NR1D1: variants seen among roughly 807,000 people sequenced by gnomAD.
The protein encoded by NR1D1 is nuclear receptor subfamily 1 group D member 1.
A neutral mutation model predicts 51.1 loss-of-function variants in NR1D1; 17 were observed. That is an observed-to-expected ratio of 0.33 (90% CI 0.23 to 0.50). NR1D1 has a LOEUF of 0.50. Ranked by LOEUF, NR1D1 falls within the 20% of genes least tolerant of loss-of-function variation. The pLI, the probability that NR1D1 is intolerant of heterozygous loss-of-function variation, is 0.98. For missense variants in NR1D1, 647 were observed against 830.4 expected (o/e 0.78, Z 2.71); for synonymous variants, 341 against 333.4 (o/e 1.02, Z -0.25).
Position 40,100,181 on chromosome 17 carries a change from G to T in NR1D1, c.-87C>A. The T allele has an allele frequency of 9.4e-7, 1 of 1,064,058 alleles. No homozygotes were observed. The highest frequency in any genetic ancestry group is 1.5e-6 in the Non-Finnish European group (1 of 681,938). The allele number at this position is 1,064,058 out of a possible 1,614,324, so 65.9% of individuals were successfully genotyped here. On this transcript the variant is annotated 5_prime_UTR_variant, in exon 1 of 8. Transcript: ENST00000246672. ...CGCCGCTGTTGCCCCCTGGGCACTG[G>T]CTAAGGGCGGGGAGTGGACCCCGCG...
At position 40,093,014 on chromosome 17, in the gene NR1D1, G is replaced by A. The variant is rs776563430; in HGVS notation, c.*69C>T. ...CTGGTTTGCTTTTCCTTTTCGTCTC[G>A]TAAAGGAGAGAGAAGTGCAGAGTTC... On this transcript the variant is annotated 3_prime_UTR_variant, in exon 8 of 8. Transcript: ENST00000246672. The surrounding 1 kb of genome is among the most constrained non-coding windows in gnomAD (Gnocchi z 5.9). The A allele has an allele frequency of 5.6e-6, 9 of 1,606,820 alleles. No individual in the cohort carries two copies. The highest frequency in any genetic ancestry group is 1.1e-5 in the South Asian group (1 of 90,980).
chr17:40,096,801 G>A, intron 2 of NR1D1, 22 bp from the exon 3 acceptor site: 1 of 1,612,400 alleles, frequency 6.2e-7, no homozygotes, highest in Non-Finnish European at 8.5e-7. Flanking sequence ...ACGGGCAGCA[G>A]GTGAGCAGGA....
In NR1D1 at chr17:40,092,979, A is replaced by G; in HGVS notation, c.*104T>C. ...ATCTTGGAATATTTTATAACAATAT[A>G]AATAAGATTCTGGTTTGCTTTTCCT... On this transcript the variant is annotated 3_prime_UTR_variant, in exon 8 of 8. Transcript: ENST00000246672. 1 of 1,592,882 alleles carries G rather than the reference A, an allele frequency of 6.3e-7. No individual in the cohort carries two copies. The highest frequency in any genetic ancestry group is 8.6e-7 in the Non-Finnish European group (1 of 1,166,258).
In NR1D1 at chr17:40,095,894, G is replaced by A; in HGVS notation, c.798C>T (p.Phe266=). The stretch of plus-strand genomic sequence containing the variant: ...GCGTCAGCTGTTGTGGAAACTGGGA[G>A]AAGCCCACCAGGGGTGAGGGGACCG... ...PAPVPSPLVG[F]SQFPQQLTPP... Residue 266 remains phenylalanine, a synonymous_variant, in exon 5 of 8, where the codon TTC becomes TTT. Coordinates refer to ENST00000246672, the MANE Select transcript of NR1D1 (RefSeq NM_021724.5). The A allele has an allele frequency of 1.2e-6, 2 of 1,607,074 alleles. No individual in the cohort carries two copies. Among genetic ancestry groups the A allele is most frequent in the Non-Finnish European group, 1.7e-6 (2 of 1,177,492 alleles).
chr17:40,096,993 C>A (rs532186163), intron 2 of NR1D1, 72 bp downstream of exon 2: 3 of 1,413,718 alleles, frequency 2.1e-6, no homozygotes, highest in South Asian at 2.6e-5. Context: ...AGACTGGTGT[C>A]ACGTAAAAAC....
At chr17:40,099,511 C>G (rs1408356317) in intron 1 of NR1D1, among the ~76,000 whole-genome samples, 1 of 152,146 alleles carries the variant, frequency 6.6e-6, no homozygotes, top group Non-Finnish European at 1.5e-5. Flanking sequence ...TCCCTCGGGC[C>G]GGGCACCACG....
In NR1D1 at chr17:40,096,465, G is replaced by A. The variant is rs1358362931; in HGVS notation, c.582C>T (p.Leu194=). Residue 194 remains leucine, a synonymous_variant, in exon 4 of 8, where the codon CTC becomes CTT. Transcript: ENST00000246672. Reference sequence around the variant, plus strand: ...CACCGTCTCGAGACATGCCCACAGAGAGACACTTCTTGAAGCGACATTGCT... The same window carrying A: ...CACCGTCTCGAGACATGCCCACAGAAAGACACTTCTTGAAGCGACATTGCT... ...RCQQCRFKKC[L]SVGMSRDAVR... 3 of 1,614,150 alleles carry A rather than the reference G, an allele frequency of 1.9e-6. No homozygotes were observed. The highest frequency in any genetic ancestry group is 1.1e-5 in the South Asian group (1 of 91,092).
rs1191169377 is a variant in NR1D1, at chr17:40,096,587, C to T, written c.460G>A (p.Gly154Ser). 6.2e-7 allele frequency: 1 copy of T among 1,614,154 alleles called. No individual in the cohort carries two copies. Among genetic ancestry groups the T allele is most frequent in the Non-Finnish European group, 8.5e-7 (1 of 1,179,980 alleles). Residue 154 changes from glycine (G) to serine (S), a missense_variant and splice_region_variant, in exon 4 of 8, where the codon GGC (glycine) becomes AGC (serine). By Grantham distance (56) the Gly-to-Ser change is moderately conservative. Around this residue, in one of 7 missense-constraint regions of NR1D1, gnomAD observed 70 missense variants for 134.8 expected, o/e 0.52. Coordinates refer to ENST00000246672, the MANE Select transcript of NR1D1 (RefSeq NM_021724.5). ...TGCTGGATGCTCCGACGGAAAAAGC[C>T]CTGGAGGGCAGGGGTGGTTAGTGAC... ...YGVHACEGCK[G>S]FFRRSIQQNI...
rs200884746 is a variant in NR1D1, at chr17:40,093,933, C to T, written c.1624G>A (p.Ala542Thr). ...LTEEELGLFT[A>T]VVLVSADRSG... ...CTACCTGCAGAGACAAGCACCACCG[C>T]GGTGAAGAGGCCCAGCTCCTCCTCG... is the stretch of plus-strand genomic sequence containing the variant. The change falls in exon 7 of 8, where the codon GCG becomes ACG. Residue 542 changes from alanine (A) to threonine (T), a missense_variant. Physicochemically the swap from Ala to Thr is moderately conservative, Grantham distance 58. Transcript: ENST00000246672. This position sits in a 1 kb window ranked among gnomAD's most constrained non-coding sequence, Gnocchi z 5.9. 1 of 1,613,626 alleles carries T rather than the reference C, an allele frequency of 6.2e-7. No homozygotes were observed. The highest frequency in any genetic ancestry group is 8.5e-7 in the Non-Finnish European group (1 of 1,180,034).
rs199732338 is a variant in NR1D1, at chr17:40,096,731, G to A, written c.419C>T (p.Ser140Leu). Residue 140 changes from serine (S) to leucine (L), a missense_variant, in exon 3 of 8, where the codon TCG (serine) becomes TTG (leucine). Physicochemically the swap from Ser to Leu is moderately radical, Grantham distance 145 (BLOSUM62 -2). This residue lies in a region of NR1D1 where 70 missense variants were observed against 134.8 expected (regional missense o/e 0.52). Coordinates refer to ENST00000246672, the MANE Select transcript of NR1D1 (RefSeq NM_021724.5). ...GGCGTGCACACCGTAGTGGAAGCCCGAGGCAACGTCCCCACACACTTTACA... is the reference window on the plus strand; with the variant it reads ...GGCGTGCACACCGTAGTGGAAGCCCAAGGCAACGTCCCCACACACTTTACA... ...LLCKVCGDVASGFHYGVHACE... is the reference protein window; with the variant it reads ...LLCKVCGDVALGFHYGVHACE... 2.5e-6 allele frequency: 4 copies of A among 1,614,064 alleles called. No homozygotes were observed. Among genetic ancestry groups the A allele is most frequent in the African/African-American group, 2.7e-5 (2 of 74,936 alleles).
At chr17:40,095,165 G>A (rs775712190) in intron 5 of NR1D1, 45 bp from the exon 6 acceptor site, 4 of 1,577,432 alleles carry the variant, frequency 2.5e-6, no homozygotes, top group East Asian at 2.3e-5. Flanking sequence ...AGCCAGGCTG[G>A]GTCAGATGGA....
intron 1 of NR1D1, among the ~76,000 whole-genome samples, chr17:40,099,478 C>A (rs1374416416): frequency 6.6e-6 from 1 of 152,052 alleles, no homozygotes; most frequent in Non-Finnish European, 1.5e-5. Flanking sequence ...GCCCTCCCGG[C>A]GGCCGGAGCC....
intron 1 of NR1D1, among the ~76,000 whole-genome samples, chr17:40,099,463 T>A (rs1987832946): frequency 6.6e-6 from 1 of 151,986 alleles, no homozygotes; most frequent in South Asian, 2.1e-4. Flanking sequence ...TCTAGAGCCA[T>A]GTGAGCCCTC....
chr17:40,095,984 C>T lies in NR1D1; in HGVS notation c.708G>A (p.Pro236=), dbSNP rs147503529. The T allele has an allele frequency of 2.7e-4, 436 of 1,612,446 alleles. 1 individual carries two copies. Among genetic ancestry groups the T allele is most frequent in the Non-Finnish European group, 3.4e-4 (407 of 1,179,956 alleles). ...LANNQLSSQC[P]LETSPTQHPT... Reference sequence around the variant, plus strand: ...GGTGCTGGGTGGGTGAAGTCTCCAGCGGGCACTGGCTGCTCAACTGGTTGT... The same window carrying T: ...GGTGCTGGGTGGGTGAAGTCTCCAGTGGGCACTGGCTGCTCAACTGGTTGT... Residue 236 remains proline, a synonymous_variant, in exon 5 of 8, where the codon CCG becomes CCA. Coordinates refer to ENST00000246672, the MANE Select transcript of NR1D1 (RefSeq NM_021724.5).
In NR1D1 at chr17:40,093,026, G is replaced by A. The variant is rs774565016; in HGVS notation, c.*57C>T. ...TCCTTTTCGTCTCGTAAAGGAGAGA[G>A]AAGTGCAGAGTTCGATTCTGTACAA... On this transcript the variant is annotated 3_prime_UTR_variant, in exon 8 of 8. Coordinates refer to ENST00000246672, the MANE Select transcript of NR1D1 (RefSeq NM_021724.5). The surrounding 1 kb of genome is among the most constrained non-coding windows in gnomAD (Gnocchi z 5.9). 1.2e-6 allele frequency: 2 copies of A among 1,612,220 alleles called. No homozygotes were observed. Among genetic ancestry groups the A allele is most frequent in the Non-Finnish European group, 1.7e-6 (2 of 1,178,352 alleles).
At chr17:40,094,616 G>T (rs780468081) in intron 6 of NR1D1, among the ~76,000 whole-genome samples, 1 of 152,256 alleles carries the variant, frequency 6.6e-6, no homozygotes, top group African/African-American at 2.4e-5. Context: ...AGCAGGAAGC[G>T]TCTGGGTGCA....
At chr17:40,094,167 C>G (rs769462503) in intron 6 of NR1D1, 45 bp from the exon 7 acceptor site, 1 of 1,575,718 alleles carries the variant, frequency 6.3e-7, no homozygotes. Flanking sequence ...GTGGGAGGAG[C>G]ACTGACCAAA....
rs914111368 is a variant in NR1D1 at position 40,093,384 on chromosome 17, G to GC, written c.1646-103dup. 1.2e-6 allele frequency: 2 copies of GC among 1,609,232 alleles called. No individual in the cohort carries two copies. The highest frequency in any genetic ancestry group is 8.5e-7 in the Non-Finnish European group (1 of 1,177,642). On this transcript the variant is annotated intron_variant, in intron 7 of 7. Coordinates refer to ENST00000246672, the MANE Select transcript of NR1D1 (RefSeq NM_021724.5). The surrounding 1 kb of genome is among the most constrained non-coding windows in gnomAD (Gnocchi z 5.9). ...GCAGGCAATGCAGCCTCTCCCTGAA[G>GC]CCCCCCAGAAGGCCGATGGGGAAGG...
chr17:40,097,009 C>G, intron 2 of NR1D1, 56 bp downstream of exon 2: 1 of 1,498,026 alleles, frequency 6.7e-7, no homozygotes, highest in South Asian at 1.3e-5. Flanking sequence ...AAAACCCATT[C>G]CCAATCTGGC....
Sources: allele counts gnomAD v4.1 joint callset (sites outside exome capture counted in the v4.1 genomes callset), GRCh38; gene constraint gnomAD v4.1.1; regional missense constraint gnomAD v4.1.1; non-coding constraint Gnocchi (gnomAD v3.1); transcripts MANE v1.5; gene names NCBI Gene and HGNC (gene_info 2026-07-23, HGNC 2026-07-21).